Variants in HECW2 observed in about 807,000 individuals in gnomAD.
HECW2 encodes the protein HECT, C2 and WW domain containing E3 ubiquitin protein ligase 2, also known as E3 ubiquitin-protein ligase HECW2.
A neutral mutation model predicts 175.2 loss-of-function variants in HECW2; 61 were observed. The observed-to-expected ratio is 0.35, with a 90% confidence interval of 0.28 to 0.43. The LOEUF (loss-of-function observed/expected upper bound fraction) is 0.43, where lower values mean the gene tolerates loss of function less well. HECW2 is among the 20% of genes least tolerant of loss of function. The pLI is 1.00. For missense variants in HECW2, 1,524 were observed against 2,000.5 expected (o/e 0.76, Z 4.54); for synonymous variants, 671 against 731.0 (o/e 0.92, Z 1.32).
At chr2:196,383,643 C>T (rs1694268700) in intron 2 of HECW2, among the ~76,000 whole-genome samples, 1 of 152,230 alleles carries the variant, frequency 6.6e-6, no homozygotes, top group Admixed American at 6.5e-5. Context: ...CAAAGCCCCA[C>T]TTCACCCAGT....
At chr2:196,521,717 G>A (rs552012703) in intron 1 of HECW2, among the ~76,000 whole-genome samples, 4,146 of 146,892 alleles carry the variant, frequency 0.028, 72 homozygotes, top group South Asian at 0.081. Flanking sequence ...CCACCTATGA[G>A]TGAGAATATG....
chr2:196,233,278 T>C (rs971520158), intron 21 of HECW2, among the ~76,000 whole-genome samples: 1 of 152,200 alleles, frequency 6.6e-6, no homozygotes, highest in Non-Finnish European at 1.5e-5. Context: ...TAAGCACAGA[T>C]GTCTCCAGGG....
chr2:196,404,367 T>G (rs1193202215), intron 2 of HECW2, among the ~76,000 whole-genome samples: 2 of 152,152 alleles, frequency 1.3e-5, no homozygotes, highest in Admixed American at 6.5e-5. Flanking sequence ...TTCTTCAAAG[T>G]CTCTTCCTAG....
intron 2 of HECW2, among the ~76,000 whole-genome samples, chr2:196,400,824 A>T (rs114926246): frequency 0.029 from 4,449 of 151,898 alleles, 223 homozygotes; most frequent in African/African-American, 0.1. Flanking sequence ...AAAATGCAAA[A>T]AAAAAAAAAG....
intron 2 of HECW2, among the ~76,000 whole-genome samples, chr2:196,376,531 A>G (rs1694056048): frequency 6.6e-6 from 1 of 151,780 alleles, no homozygotes; most frequent in Admixed American, 6.6e-5. Flanking sequence ...CAGGAGGCTG[A>G]GGCAGGTAGC....
At chr2:196,564,626 G>C (rs956439413) in intron 1 of HECW2, among the ~76,000 whole-genome samples, 5 of 152,014 alleles carry the variant, frequency 3.3e-5, no homozygotes, top group Admixed American at 6.5e-5. Flanking sequence ...TTTTTTTGCA[G>C]TTAGAAGTTT....
At chr2:196,361,710 C>T in intron 2 of HECW2, 1 of 796,072 alleles carries the variant, frequency 1.3e-6, no homozygotes, top group Non-Finnish European at 1.5e-6. Flanking sequence ...CTTTTAAGAG[C>T]TTTTCAAAGT....
chr2:196,332,854 G>A (rs961446546), intron 4 of HECW2, among the ~76,000 whole-genome samples: 1 of 152,172 alleles, frequency 6.6e-6, no homozygotes, highest in African/African-American at 2.4e-5. Flanking sequence ...GGCAGACTTT[G>A]TAATCAACAA....
chr2:196,234,563 G>T lies in HECW2; in HGVS notation c.3764+5886C>A, dbSNP rs528119585. 3.3e-5 allele frequency among the ~76,000 whole-genome samples: 5 copies of T among 152,164 alleles called. No individual in the cohort carries two copies. In the South Asian group the frequency reaches 1.0e-3, roughly 32 times the overall value. On this transcript the variant is annotated intron_variant, in intron 21 of 28. Coordinates refer to ENST00000644978, the MANE Select transcript of HECW2 (RefSeq NM_001348768.2). ...TCCCACCTTGGCCTCCCAAAGTGCT[G>T]GGATTATAGGTATGAGCCACCATGC...
chr2:196,203,596 A>G (rs143959136), intron 28 of HECW2, among the ~76,000 whole-genome samples: 30 of 152,312 alleles, frequency 2.0e-4, no homozygotes, highest in Middle Eastern at 6.8e-3. Context: ...TTGGTTACCA[A>G]TAAGGTTGAG....
chr2:196,278,865 C>T (rs979402438), intron 14 of HECW2, among the ~76,000 whole-genome samples: 10 of 152,040 alleles, frequency 6.6e-5, no homozygotes, highest in East Asian at 5.8e-4. Context: ...AGATCCAGAA[C>T]GAAGAGAGCA....
intron 1 of HECW2, among the ~76,000 whole-genome samples, chr2:196,542,688 G>A (rs1246508380): frequency 2.0e-5 from 3 of 151,590 alleles, no homozygotes; most frequent in Non-Finnish European, 4.4e-5. Flanking sequence ...ATACAAGCAG[G>A]TGGGTATGAA....
At chr2:196,394,477 C>T (rs1429214241) in intron 2 of HECW2, among the ~76,000 whole-genome samples, 1 of 152,032 alleles carries the variant, frequency 6.6e-6, no homozygotes. Context: ...CATCTTTTTG[C>T]CTGAAATTGG....
At chr2:196,302,546 G>A (rs113803386) in intron 13 of HECW2, among the ~76,000 whole-genome samples, 4,075 of 152,314 alleles carry the variant, frequency 0.027, 83 homozygotes, top group South Asian at 0.092. Flanking sequence ...TCCTATCCAT[G>A]AGGATGGAAT....
intron 19 of HECW2, among the ~76,000 whole-genome samples, chr2:196,248,157 C>A (rs953521309): frequency 6.6e-6 from 1 of 152,144 alleles, no homozygotes; most frequent in African/African-American, 2.4e-5. Flanking sequence ...CGAGTCATTT[C>A]TTGGAGCTTG....
rs1012944376 is a variant in HECW2, at chr2:196,361,881, G to A, written c.293-18117C>T. The A allele has an allele frequency of 7.1e-6, 7 of 984,914 alleles. No homozygotes were observed. In the African/African-American group the frequency reaches 1.2e-4, roughly 17 times the overall value. 61.0% of individuals were successfully genotyped at this position (984,914 alleles called of 1,614,324 possible). ...CTTAGGCAGCAGCAAGAAGAAACATGGCATTCTTCCTTAAAATCATACACC... is the reference window on the plus strand; with the variant it reads ...CTTAGGCAGCAGCAAGAAGAAACATAGCATTCTTCCTTAAAATCATACACC... On this transcript the variant is annotated intron_variant, in intron 2 of 28. Coordinates refer to ENST00000644978, the MANE Select transcript of HECW2 (RefSeq NM_001348768.2).
At chr2:196,257,013 CA>C (rs1463367826) in intron 18 of HECW2, among the ~76,000 whole-genome samples, 2 of 152,222 alleles carry the variant, frequency 1.3e-5, no homozygotes, top group African/African-American at 4.8e-5. Flanking sequence ...GGGTCAAGAT[CA>C]TCATGAATAC....
At chr2:196,499,815 G>T (rs140537945) in intron 1 of HECW2, among the ~76,000 whole-genome samples, 2 of 152,264 alleles carry the variant, frequency 1.3e-5, no homozygotes, top group East Asian at 3.9e-4. Context: ...CTCCTTTAAA[G>T]AACTCAAGTT....
chr2:196,582,224 T>C (rs1213661488), intron 1 of HECW2, among the ~76,000 whole-genome samples: 5 of 152,306 alleles, frequency 3.3e-5, no homozygotes, highest in South Asian at 2.1e-4. Context: ...CAAACTTCAA[T>C]TGAAAATCCA....
Sources: allele counts gnomAD v4.1 joint callset (sites outside exome capture counted in the v4.1 genomes callset), GRCh38; gene constraint gnomAD v4.1.1; transcripts MANE v1.5; gene names NCBI Gene and HGNC (gene_info 2026-07-23, HGNC 2026-07-21).